Variants in KRABD2 observed in about 807,000 individuals in gnomAD.
The protein encoded by KRABD2 is KRAB domain containing 2, also known as KRAB domain-containing protein 2.
At chr17:8,363,826 C>CATATATATATATATATAT in the KRABD2 span, among the ~76,000 whole-genome samples, 1 of 54,180 alleles carries the variant, frequency 1.8e-5, no homozygotes, top group Non-Finnish European at 3.0e-5. Context: ...ATATATATAT[C>CATATATATATATATATAT]ATACATATAT....
At chr17:8,369,085 G>C in the KRABD2 span, 3 of 1,548,562 alleles carry the variant, frequency 1.9e-6, no homozygotes, top group Non-Finnish European at 2.6e-6. Flanking sequence ...GTTCTCAGAT[G>C]ACTATGCTCA....
chr17:8,367,593 G>A, the KRABD2 span, among the ~76,000 whole-genome samples: 1 of 151,232 alleles, frequency 6.6e-6, no homozygotes, highest in African/African-American at 2.4e-5. Flanking sequence ...AACTGGGGAG[G>A]CAGAGGCTGC....
chr17:8,376,166 AGAGCT>A, the KRABD2 span: 8 of 1,231,600 alleles, frequency 6.5e-6, no homozygotes, highest in Non-Finnish European at 8.1e-6. Flanking sequence ...CCACGAATAC[AGAGCT>A]GAGCACAAAA....
chr17:8,371,510 G>A, the KRABD2 span: 1 of 1,605,194 alleles, frequency 6.2e-7, no homozygotes, highest in African/African-American at 1.3e-5. Flanking sequence ...GAAGAGACAA[G>A]AGAGGGCACC....
chr17:8,361,394 C>G, the KRABD2 span, among the ~76,000 whole-genome samples: 2 of 152,334 alleles, frequency 1.3e-5, no homozygotes, highest in Non-Finnish European at 1.5e-5. Flanking sequence ...GAATAAGTGA[C>G]TCTGGCAGTG....
At chr17:8,358,975 C>T in the KRABD2 span, among the ~76,000 whole-genome samples, 2 of 152,196 alleles carry the variant, frequency 1.3e-5, no homozygotes, top group African/African-American at 4.8e-5. Context: ...CAATGATGCT[C>T]ATTGTAATAA....
At chr17:8,365,855 G>A in the KRABD2 span, 2 of 152,230 alleles carry the variant, frequency 1.3e-5, no homozygotes, top group African/African-American at 2.4e-5. Context: ...CCGGCCGGGC[G>A]AGTGGCTCAC....
At chr17:8,366,546 G>C in the KRABD2 span, among the ~76,000 whole-genome samples, 3 of 152,116 alleles carry the variant, frequency 2.0e-5, no homozygotes, top group African/African-American at 7.2e-5. Context: ...CTTTACTTCT[G>C]ACCTAATTTT....
At chr17:8,365,104 C>A in the KRABD2 span, among the ~76,000 whole-genome samples, 1 of 152,112 alleles carries the variant, frequency 6.6e-6, no homozygotes, top group East Asian at 1.9e-4. Context: ...CTGTGGCACA[C>A]CGGTTAGTGA....
the KRABD2 span, chr17:8,373,407 C>T: frequency 3.4e-4 from 58 of 172,082 alleles, no homozygotes; most frequent in African/African-American, 1.3e-3. Flanking sequence ...AGCTCCTGAC[C>T]GCGAGTGGTC....
At chr17:8,364,017 T>C in the KRABD2 span, among the ~76,000 whole-genome samples, 4 of 151,510 alleles carry the variant, frequency 2.6e-5, no homozygotes, top group Non-Finnish European at 5.9e-5. This position sits in a 1 kb window ranked among gnomAD's most constrained non-coding sequence, Gnocchi z 4.4. Flanking sequence ...TACAGGCGCC[T>C]GCCACCACAC....
chr17:8,362,329 C>CA, the KRABD2 span, among the ~76,000 whole-genome samples: 4,757 of 134,006 alleles, frequency 0.035, 145 homozygotes, highest in African/African-American at 0.082. The surrounding 1 kb of genome is among the most constrained non-coding windows in gnomAD (Gnocchi z 4.2). Flanking sequence ...GATTCCATCT[C>CA]AAAAAAAAAA....
At chr17:8,363,832 T>C in the KRABD2 span, among the ~76,000 whole-genome samples, 1 of 35,760 alleles carries the variant, frequency 2.8e-5, no homozygotes, top group Non-Finnish European at 5.6e-5. Context: ...ATATCATACA[T>C]ATATATATAT....
the KRABD2 span, among the ~76,000 whole-genome samples, chr17:8,363,815 C>CATAT: frequency 1.0e-3 from 101 of 101,478 alleles, 1 homozygote; most frequent in African/African-American, 3.9e-3. Context: ...ATATATCATA[C>CATAT]ATATATATAT....
chr17:8,359,412 G>A, the KRABD2 span: 1 of 359,918 alleles, frequency 2.8e-6, no homozygotes, highest in Non-Finnish European at 5.5e-6. Flanking sequence ...AACTTAGCTT[G>A]TGTGACTTCT....
At chr17:8,364,545 G>T in the KRABD2 span, among the ~76,000 whole-genome samples, 1 of 152,172 alleles carries the variant, frequency 6.6e-6, no homozygotes, top group African/African-American at 2.4e-5. The surrounding 1 kb of genome is among the most constrained non-coding windows in gnomAD (Gnocchi z 4.4). Context: ...GTGGGCCACA[G>T]AAACGAATAT....
the KRABD2 span, among the ~76,000 whole-genome samples, chr17:8,363,249 G>A: frequency 6.6e-6 from 1 of 152,182 alleles, no homozygotes; most frequent in East Asian, 1.9e-4. Flanking sequence ...GAAGGCAGGA[G>A]CCTGGAAGAG....
At chr17:8,371,332 C>A in the KRABD2 span, 3 of 1,613,022 alleles carry the variant, frequency 1.9e-6, no homozygotes, top group Non-Finnish European at 2.5e-6. Flanking sequence ...GTTCTCATAA[C>A]TGTCCAGCAT....
chr17:8,375,682 C>G, the KRABD2 span: 1 of 168,040 alleles, frequency 6.0e-6, no homozygotes. Context: ...CCAGACCCAG[C>G]TAATTTTTTC....
Sources: allele counts gnomAD v4.1 joint callset (sites outside exome capture counted in the v4.1 genomes callset), GRCh38; gene constraint gnomAD v4.1.1; non-coding constraint Gnocchi (gnomAD v3.1); transcripts MANE v1.5; gene names NCBI Gene and HGNC (gene_info 2026-07-23, HGNC 2026-07-21).